The following ZNF800 variants were observed in gnomAD, a reference collection of about 807,000 sequenced individuals.
ZNF800 encodes the protein zinc finger protein 800.
ZNF800 carries 13 observed loss-of-function variants against 59.5 expected under a neutral mutation model. The ratio of observed to expected loss-of-function variants is 0.22; its 90% CI spans 0.14 to 0.35. The LOEUF is 0.35. Ranked by LOEUF, ZNF800 falls within the 10% of genes least tolerant of loss-of-function variation. ZNF800 has a pLI of 1.00. For synonymous variants in ZNF800, 266 were observed against 265.7 expected (o/e 1.00, Z -0.01); for missense variants, 621 against 783.7 (o/e 0.79, Z 2.48).
chr7:127,382,598 A>G (rs914427663), intron 3 of ZNF800, among the ~76,000 whole-genome samples: 17 of 152,228 alleles, frequency 1.1e-4, no homozygotes, highest in Admixed American at 2.0e-4. Context: ...CAGAGCAAAC[A>G]GCAGGTCTCA....
intron 2 of ZNF800, among the ~76,000 whole-genome samples, chr7:127,388,929 T>G (rs576572531): frequency 3.3e-5 from 5 of 151,714 alleles, no homozygotes; most frequent in African/African-American, 1.2e-4. Context: ...TAGCCTATCA[T>G]CCTCCCAAGA....
chr7:127,376,689 A>C (rs1467991742), intron 4 of ZNF800, among the ~76,000 whole-genome samples: 1 of 152,010 alleles, frequency 6.6e-6, no homozygotes, highest in Non-Finnish European at 1.5e-5. Flanking sequence ...AGAAAGATTA[A>C]TAAAGACTTT....
In ZNF800 at chr7:127,374,712, A is replaced by G. The variant is rs1219185666; in HGVS notation, c.624T>C (p.Asp208=). The G allele has an allele frequency of 5.0e-6, 8 of 1,614,062 alleles. No individual in the cohort carries two copies. The highest frequency in any genetic ancestry group is 6.8e-6 in the Non-Finnish European group (8 of 1,179,944). ...CAGCCTGCGACTCCTGAGGTTGTTCATCAGATGTAGGTGCAACTTCATCTG... is the reference window on the plus strand; with the variant it reads ...CAGCCTGCGACTCCTGAGGTTGTTCGTCAGATGTAGGTGCAACTTCATCTG... ...IVTDEVAPTS[D]EQPQESQADL... is the part of the protein sequence containing the mutation. Residue 208 remains aspartate, a synonymous_variant, in exon 5 of 6, where the codon GAT becomes GAC. Transcript: ENST00000265827.
chr7:127,366,333 T>C (rs965225085), downstream of ZNF800, among the ~76,000 whole-genome samples: 8 of 152,106 alleles, frequency 5.3e-5, no homozygotes, highest in Non-Finnish European at 1.2e-4. Context: ...AAACAATACT[T>C]TGAGGATTCA....
downstream of ZNF800, among the ~76,000 whole-genome samples, chr7:127,365,633 AAAT>A (rs1430077076): frequency 2.0e-5 from 3 of 152,162 alleles, no homozygotes; most frequent in South Asian, 4.1e-4. Flanking sequence ...TGAAGAAACA[AAAT>A]AATATCATAA....
At chr7:127,375,790 C>G (rs1800775065) in intron 4 of ZNF800, among the ~76,000 whole-genome samples, 1 of 151,920 alleles carries the variant, frequency 6.6e-6, no homozygotes. Flanking sequence ...TGTATTACTA[C>G]TCTAAAATCT....
chr7:127,358,656 T>C (rs1351787738), intron 1 of ZNF800, among the ~76,000 whole-genome samples: 1 of 152,116 alleles, frequency 6.6e-6, no homozygotes, highest in Non-Finnish European at 1.5e-5. Context: ...TTTCTGCCTA[T>C]CTCTTTCAAA....
At chr7:127,385,091 A>T (rs1225217497) in intron 3 of ZNF800, among the ~76,000 whole-genome samples, 2 of 152,228 alleles carry the variant, frequency 1.3e-5, no homozygotes, top group African/African-American at 4.8e-5. Flanking sequence ...AAGCAAATAT[A>T]TGATTTCCCC....
rs189117795 is a variant in ZNF800 at position 127,358,438 on chromosome 7, C to T, written n.225-10395G>A. Among the ~76,000 whole-genome samples the T allele has an allele frequency of 8.3e-4, 126 of 152,154 alleles. 1 individual carries two copies. The highest frequency in any genetic ancestry group is 3.0e-3 in the African/African-American group (123 of 41,552). The stretch of plus-strand genomic sequence containing the variant: ...TTAATTGATTTCCCTCACACAATCC[C>T]ACATCCCCACCTCCACTCCAATTCA... On this transcript the variant is annotated intron_variant and non_coding_transcript_variant, in intron 1 of 1. Coordinates refer to the ZNF800 transcript ENST00000485577.
chr7:127,373,372 C>G lies in ZNF800; in HGVS notation c.1964G>C (p.Gly655Ala). The G allele has an allele frequency of 6.2e-7, 1 of 1,608,006 alleles. No individual in the cohort carries two copies. Among genetic ancestry groups the G allele is most frequent in the Non-Finnish European group, 8.5e-7 (1 of 1,176,690 alleles). The change falls in exon 5 of 6, where the codon GGC becomes GCC. Residue 655 changes from glycine (G) to alanine (A), a missense_variant. This residue lies in a region of ZNF800 where 94 missense variants were observed against 108.5 expected (regional missense o/e 0.87). Transcript: ENST00000265827. ...SNSPEGNKTK[G>A]RSTRSKALV ...AAGAGCCTTAGATCTTGTACTTCGG[C>G]CTTTGGTTTTGTTTCCTTCAGGTGA... is the stretch of plus-strand genomic sequence containing the variant.
At chr7:127,380,007 T>C (rs1004393357) in intron 3 of ZNF800, among the ~76,000 whole-genome samples, 1 of 151,964 alleles carries the variant, frequency 6.6e-6, no homozygotes, top group Admixed American at 6.6e-5. Flanking sequence ...ACCTATGTTT[T>C]TTCCTCTCTG....
chr7:127,388,943 G>A (rs1214876798), intron 2 of ZNF800, among the ~76,000 whole-genome samples: 1 of 151,848 alleles, frequency 6.6e-6, no homozygotes, highest in African/African-American at 2.4e-5. Context: ...CCCAAGATCA[G>A]ACCCACCCAG....
chr7:127,344,949 C>G (rs1477621148), downstream of ZNF800, among the ~76,000 whole-genome samples: 1 of 152,008 alleles, frequency 6.6e-6, no homozygotes, highest in East Asian at 1.9e-4. Context: ...ACACCAAAAG[C>G]AGAAATCATG....
Position 127,373,627 on chromosome 7 carries a change from T to C in ZNF800, c.1709A>G (p.Asn570Ser), listed in dbSNP as rs775750914. The C allele has an allele frequency of 7.4e-6, 12 of 1,614,046 alleles. No homozygotes were observed. The highest frequency in any genetic ancestry group is 1.3e-5 in the African/African-American group (1 of 74,924). Residue 570 changes from asparagine (N) to serine (S), a missense_variant, in exon 5 of 6, where the codon AAT (asparagine) becomes AGT (serine). Asn to Ser is a conservative substitution (Grantham distance 46). Around this residue, in one of 7 missense-constraint regions of ZNF800, gnomAD observed 46 missense variants for 118.4 expected, o/e 0.39. Coordinates refer to ENST00000265827, the MANE Select transcript of ZNF800 (RefSeq NM_176814.5). ...CGAAGGGCCTCTTTTTGCCACTTTA[T>C]TTAGAACAAAATCAATAGGCTTTTT... ...AIKKPIDFVL[N>S]KVAKRGPSRD...
Position 127,371,035 on chromosome 7 carries a change from T to C in ZNF800, c.*779A>G, listed in dbSNP as rs754811141. 2 of 152,534 alleles carry C rather than the reference T, an allele frequency of 1.3e-5. No individual in the cohort carries two copies. Among genetic ancestry groups the C allele is most frequent in the Non-Finnish European group, 2.9e-5 (2 of 67,988 alleles). 9.4% of individuals were successfully genotyped at this position (152,534 alleles called of 1,614,324 possible). On this transcript the variant is annotated 3_prime_UTR_variant, in exon 6 of 6. Transcript: ENST00000265827. ...CTTCATATTAACATTAGTAAATGTG[T>C]GGTCTTTAAAAAAATAGGAACTGAA...
At chr7:127,349,627 T>C (rs1587418847) in intron 1 of ZNF800, among the ~76,000 whole-genome samples, 1 of 152,338 alleles carries the variant, frequency 6.6e-6, no homozygotes, top group East Asian at 1.9e-4. Context: ...CTGGATACAA[T>C]TATTGTGTCT....
In ZNF800 at chr7:127,374,127, A is replaced by G. The variant is rs1373790307; in HGVS notation, c.1209T>C (p.Ser403=). The G allele has an allele frequency of 1.2e-6, 2 of 1,613,452 alleles. No homozygotes were observed. The highest frequency in any genetic ancestry group is 4.5e-5 in the East Asian group (2 of 44,866). The part of the protein sequence containing the change: ...REKGPNNTAN[S]SEIKVKVEPA... ...GTTCAACTTTAACTTTTATTTCTGA[A>G]CTGTTGGCAGTATTATTAGGGCCTT... The change falls in exon 5 of 6, where the codon AGT becomes AGC. Residue 403 remains serine, a synonymous_variant. Coordinates refer to ENST00000265827, the MANE Select transcript of ZNF800 (RefSeq NM_176814.5).
intron 1 of ZNF800, among the ~76,000 whole-genome samples, chr7:127,355,770 G>T (rs1397157771): frequency 6.6e-6 from 1 of 151,938 alleles, no homozygotes. Context: ...TTTCTTTATA[G>T]ATTACTACAT....
At position 127,392,398 on chromosome 7, in the gene ZNF800, G is replaced by A. The variant is rs2117237814; in HGVS notation, c.-397C>T. 5.3e-6 allele frequency: 2 copies of A among 380,610 alleles called. No homozygotes were observed. The highest frequency in any genetic ancestry group is 3.8e-5 in the East Asian group (1 of 26,518). The allele number at this position is 380,610 out of a possible 1,614,324, so 23.6% of individuals were successfully genotyped here. On this transcript the variant is annotated 5_prime_UTR_variant, in exon 1 of 6. Coordinates refer to ENST00000265827, the MANE Select transcript of ZNF800 (RefSeq NM_176814.5). The stretch of plus-strand genomic sequence containing the variant: ...AGCAGCTGCCGCCGCCACCACCGAA[G>A]GAGCCGGAACCGGAGCGGGCAGGAC...
Sources: allele counts gnomAD v4.1 joint callset (sites outside exome capture counted in the v4.1 genomes callset), GRCh38; gene constraint gnomAD v4.1.1; regional missense constraint gnomAD v4.1.1; transcripts MANE v1.5; gene names NCBI Gene and HGNC (gene_info 2026-07-23, HGNC 2026-07-21).